The following CUX1 variants were observed in gnomAD, a reference collection of about 807,000 sequenced individuals.
CUX1 encodes cut like homeobox 1, also known as protein CASP.
A neutral mutation model predicts 158.8 loss-of-function variants in CUX1; 31 were observed. The observed-to-expected ratio is 0.20, with a 90% CI of 0.15 to 0.26. The LOEUF is 0.26. Among genes scored for constraint, CUX1 ranks in the 10% least tolerant of loss-of-function variants. CUX1 has a pLI of 1.00. For missense variants in CUX1, 1,589 were observed against 2,014.6 expected (o/e 0.79, Z 4.04); for synonymous variants, 879 against 862.1 (o/e 1.02, Z -0.34).
chr7:101,886,399 C>G (rs937410358), intron 1 of CUX1, among the ~76,000 whole-genome samples: 6 of 152,122 alleles, frequency 3.9e-5, no homozygotes, highest in Non-Finnish European at 7.3e-5. Context: ...TGGGGCTTCA[C>G]TGTGTTGCCC....
chr7:101,857,047 G>A (rs1796923922), intron 1 of CUX1, among the ~76,000 whole-genome samples: 1 of 152,198 alleles, frequency 6.6e-6, no homozygotes, highest in Non-Finnish European at 1.5e-5. Flanking sequence ...GTTAGGACGA[G>A]GCCCTTCAGA....
At chr7:101,926,832 T>C (rs1331371134) in intron 2 of CUX1, among the ~76,000 whole-genome samples, 2 of 152,224 alleles carry the variant, frequency 1.3e-5, no homozygotes, top group East Asian at 3.9e-4. Flanking sequence ...ACAGAGCATA[T>C]AGTAGGTGCT....
chr7:101,874,501 A>G (rs1798907900), intron 1 of CUX1, among the ~76,000 whole-genome samples: 1 of 152,240 alleles, frequency 6.6e-6, no homozygotes, highest in South Asian at 2.1e-4. Flanking sequence ...TTTATGGCGC[A>G]TCGCCTTGGT....
intron 8 of CUX1, among the ~76,000 whole-genome samples, chr7:102,149,660 A>C (rs1264955687): frequency 6.6e-6 from 1 of 152,152 alleles, no homozygotes; most frequent in African/African-American, 2.4e-5. Context: ...TGCTGGGAGT[A>C]ATCTTGCCCT....
intron 3 of CUX1, among the ~76,000 whole-genome samples, chr7:102,049,436 C>G (rs1426841812): frequency 6.6e-6 from 1 of 152,152 alleles, no homozygotes; most frequent in East Asian, 1.9e-4. Flanking sequence ...ATGTCGAACT[C>G]CGAAGCCCAT....
chr7:102,278,702 A>AAAATAAAAT, intron 18 of CUX1, among the ~76,000 whole-genome samples: 1 of 145,912 alleles, frequency 6.9e-6, no homozygotes, highest in East Asian at 2.0e-4. Context: ...ATAAAATAAT[A>AAAATAAAAT]AAATAGTAAA....
chr7:102,110,622 ATTAG>A (rs1416653734), intron 6 of CUX1, among the ~76,000 whole-genome samples: 8 of 152,302 alleles, frequency 5.3e-5, no homozygotes, highest in East Asian at 1.9e-4. Flanking sequence ...CTTATTACAT[ATTAG>A]TTCATAGTAC....
At position 101,952,113 on chromosome 7, in the gene CUX1, C is replaced by T. The variant is rs573829256; in HGVS notation, c.141+35888C>T. 3.0e-4 allele frequency among the ~76,000 whole-genome samples: 45 copies of T among 152,216 alleles called. No individual in the cohort carries two copies. In the South Asian group the frequency reaches 5.0e-3, roughly 17 times the overall value. Reference sequence around the variant, plus strand: ...GTTAGAATTGCAGATTCTGACCAGGCGTAGTGGCTCACACCTATAATCCCA... The same window carrying T: ...GTTAGAATTGCAGATTCTGACCAGGTGTAGTGGCTCACACCTATAATCCCA... On this transcript the variant is annotated intron_variant, in intron 2 of 23. Coordinates refer to ENST00000292535, the MANE Select transcript of CUX1 (RefSeq NM_181552.4).
chr7:101,827,639 TAC>T (rs1245475457), intron 1 of CUX1, among the ~76,000 whole-genome samples: 12 of 152,132 alleles, frequency 7.9e-5, no homozygotes, highest in African/African-American at 2.9e-4. Context: ...AAAACTTAAT[TAC>T]TAATAGCCTA....
Position 102,254,679 on chromosome 7 carries a change from T to C in CUX1, c.*5637T>C. The C allele has an allele frequency of 1.0e-6, 1 of 985,470 alleles. No homozygotes were observed. The highest frequency in any genetic ancestry group is 1.2e-6 in the Non-Finnish European group (1 of 829,940). The allele number at this position is 985,470 out of a possible 1,614,324, so 61.0% of individuals were successfully genotyped here. ...ACATTTAGAAAGCCCTCAGTGCTTC[T>C]GTGGTTTCACCTGGGCATCGACGAC... On this transcript the variant is annotated 3_prime_UTR_variant, in exon 24 of 24. Transcript: ENST00000292535.
In CUX1 at chr7:102,253,376, T is replaced by G. The variant is rs547289545; in HGVS notation, c.*4334T>G. 1.0e-6 allele frequency: 1 copy of G among 985,288 alleles called. No individual in the cohort carries two copies. Among genetic ancestry groups the G allele is most frequent in the Non-Finnish European group, 1.2e-6 (1 of 829,956 alleles). The allele number at this position is 985,288 out of a possible 1,614,324, so 61.0% of individuals were successfully genotyped here. Reference sequence around the variant, plus strand: ...CGCTGTGGGCCTCGGCTGACTACTTTAAGATTATGCCACAGCCAGGCCCTA... The same window carrying G: ...CGCTGTGGGCCTCGGCTGACTACTTGAAGATTATGCCACAGCCAGGCCCTA... On this transcript the variant is annotated 3_prime_UTR_variant, in exon 24 of 24. Coordinates refer to ENST00000292535, the MANE Select transcript of CUX1 (RefSeq NM_181552.4).
chr7:101,929,736 G>A (rs966074312), intron 2 of CUX1, among the ~76,000 whole-genome samples: 9 of 152,122 alleles, frequency 5.9e-5, no homozygotes, highest in African/African-American at 1.4e-4. Context: ...TTAATGAAGC[G>A]TAAGCCACCC....
At chr7:102,013,773 C>A (rs117335089) in intron 2 of CUX1, among the ~76,000 whole-genome samples, 2,428 of 152,258 alleles carry the variant, frequency 0.016, 31 homozygotes, top group Non-Finnish European at 0.026. Context: ...GGCACAGTCA[C>A]GGCTCACTGC....
intron 3 of CUX1, among the ~76,000 whole-genome samples, chr7:102,045,781 C>A (rs766933249): frequency 6.6e-6 from 1 of 152,224 alleles, no homozygotes; most frequent in Admixed American, 6.5e-5. Flanking sequence ...AACATCCTCT[C>A]GGTAACTGCT....
chr7:101,824,157 C>T (rs184419740), intron 1 of CUX1, among the ~76,000 whole-genome samples: 7 of 152,268 alleles, frequency 4.6e-5, no homozygotes, highest in East Asian at 3.9e-4. Context: ...GCACAAACTC[C>T]GCTCACCGCA....
chr7:102,149,186 T>C (rs1433079569), intron 8 of CUX1, among the ~76,000 whole-genome samples: 1 of 152,114 alleles, frequency 6.6e-6, no homozygotes, highest in African/African-American at 2.4e-5. Flanking sequence ...CCTCTCTCTC[T>C]AGACAGCCGT....
intron 4 of CUX1, among the ~76,000 whole-genome samples, chr7:102,085,289 T>C (rs1295975353): frequency 6.6e-6 from 1 of 152,230 alleles, no homozygotes; most frequent in African/African-American, 2.4e-5. Flanking sequence ...GGATTCAATT[T>C]GCTACTGTTT....
intron 3 of CUX1, among the ~76,000 whole-genome samples, chr7:102,051,416 C>T (rs1036798589): frequency 1.2e-4 from 18 of 151,232 alleles, no homozygotes; most frequent in African/African-American, 3.9e-4. Context: ...GAGAGACTGA[C>T]GCGGGCGTAT....
intron 6 of CUX1, among the ~76,000 whole-genome samples, chr7:102,106,079 C>CTTTTTTTTTTTT (rs782580660): frequency 3.9e-4 from 28 of 72,270 alleles, no homozygotes; most frequent in Non-Finnish European, 4.9e-4. Flanking sequence ...TTTCTTTTTT[C>CTTTTTTTTTTTT]TTTTTTTTTT....
Sources: gnomAD v4.1 joint callset for allele counts (sites outside exome capture counted in the v4.1 genomes callset) on GRCh38, gnomAD v4.1.1 for gene constraint, MANE v1.5 for transcripts, NCBI Gene and HGNC (gene_info 2026-07-23, HGNC 2026-07-21) for gene names.